Variants in JMJD7 observed in about 807,000 individuals in gnomAD.
JMJD7 encodes the protein jumonji domain containing 7, also known as bifunctional peptidase and (3S)-lysyl hydroxylase JMJD7.
A neutral mutation model predicts 41.1 loss-of-function variants in JMJD7; 41 were observed. That is an observed-to-expected ratio of 1.00 (90% CI 0.78 to 1.30). JMJD7 has a LOEUF of 1.30. Among genes scored for constraint, JMJD7 ranks in the 50% most tolerant of loss-of-function variants. JMJD7 has a pLI of 0.00. For synonymous variants in JMJD7, 202 were observed against 177.2 expected (o/e 1.14, Z -1.11); for missense variants, 480 against 420.7 (o/e 1.14, Z -1.23).
rs747919955 is a variant in JMJD7 at position 41,836,292 on chromosome 15, G to C, written c.625+49G>C. 5.0e-6 allele frequency: 8 copies of C among 1,608,522 alleles called. No individual in the cohort carries two copies. In the African/African-American group the frequency reaches 5.3e-5, roughly 11 times the overall value. On this transcript the variant is annotated intron_variant, in intron 5 of 7. Coordinates refer to ENST00000397299, the MANE Select transcript of JMJD7 (RefSeq NM_001114632.2). ...GGGGCTGGGGAACAGCTGGCCCAAG[G>C]GGGAGGGAGGCAGCAAGAGCCTGGG...
In JMJD7 at chr15:41,836,457, T is replaced by C; in HGVS notation, c.626-18T>C. 1 of 1,569,822 alleles carries C rather than the reference T, an allele frequency of 6.4e-7. No individual in the cohort carries two copies. The highest frequency in any genetic ancestry group is 1.3e-5 in the African/African-American group (1 of 74,212). On this transcript the variant is annotated intron_variant, in intron 5 of 7. Transcript: ENST00000397299. ...GGCTGTTTGCAATTCCCCCACACCC[T>C]TCTCCCTTGGGCTCCAGAGCTGTAC...
chr15:41,836,177 T>C lies in JMJD7; in HGVS notation c.559T>C (p.Cys187Arg). The stretch of plus-strand genomic sequence containing the variant: ...CAAGGACCACTATGAGAACCTCTAC[T>C]GCGTGGTCTCAGGAGAGAAGCATTT... ...LHKDHYENLY[C>R]VVSGEKHFLF... The change falls in exon 5 of 8, where the codon TGC (cysteine) becomes CGC (arginine). Residue 187 changes from cysteine to arginine, a missense_variant. Cys to Arg is a radical substitution (Grantham distance 180). Transcript: ENST00000397299. 6.2e-7 allele frequency: 1 copy of C among 1,611,676 alleles called. No individual in the cohort carries two copies. The highest frequency in any genetic ancestry group is 8.5e-7 in the Non-Finnish European group (1 of 1,178,724).
At chr15:41,835,790 A>G (rs2065304202) in intron 4 of JMJD7, 146 bp downstream of exon 4, 1 of 1,031,544 alleles carries the variant, frequency 9.7e-7, no homozygotes, top group East Asian at 2.7e-5. Context: ...CGGGCACCAC[A>G]GAGGGTTTCC....
chr15:41,830,942 G>T (rs1012320553), intron 1 of JMJD7, among the ~76,000 whole-genome samples: 1 of 152,238 alleles, frequency 6.6e-6, no homozygotes, highest in Non-Finnish European at 1.5e-5. Flanking sequence ...CTTGGGTGCC[G>T]TGAATGGTGG....
At position 41,828,123 on chromosome 15, in the gene JMJD7, C is replaced by T. The variant is rs748750736; in HGVS notation, c.-2C>T. ...GGGGTCTCGGCCGGCGCTGACGCAGCCATGGCGGAGGCGGCTTTGGAAGCC... is the reference window on the plus strand; with the variant it reads ...GGGGTCTCGGCCGGCGCTGACGCAGTCATGGCGGAGGCGGCTTTGGAAGCC... On this transcript the variant is annotated 5_prime_UTR_variant, in exon 1 of 8. Coordinates refer to ENST00000397299, the MANE Select transcript of JMJD7 (RefSeq NM_001114632.2). The T allele has an allele frequency of 2.1e-6, 3 of 1,457,650 alleles. No homozygotes were observed. Among genetic ancestry groups the T allele is most frequent in the South Asian group, 1.4e-5 (1 of 69,048 alleles). 90.3% of individuals were successfully genotyped at this position (1,457,650 alleles called of 1,614,324 possible). A position where few individuals can be genotyped will look rare whatever the true frequency, so the allele number is the denominator to read the frequency against.
intron 4 of JMJD7, 146 bp from the exon 5 acceptor site, chr15:41,836,002 C>G: frequency 2.5e-6 from 2 of 812,846 alleles, no homozygotes; most frequent in Non-Finnish European, 3.7e-6. Context: ...CATCAGAGCC[C>G]CTGGCATCTC....
In JMJD7 at chr15:41,836,054, C is replaced by T. The variant is rs186094100; in HGVS notation, c.530-94C>T. Reference sequence around the variant, plus strand: ...TGCGTGCTTCTCTTTTGTCATAGGACGTCTTGGGGTGCAGGGCTCTCAGCA... The same window carrying T: ...TGCGTGCTTCTCTTTTGTCATAGGATGTCTTGGGGTGCAGGGCTCTCAGCA... On this transcript the variant is annotated intron_variant, in intron 4 of 7. Coordinates refer to ENST00000397299, the MANE Select transcript of JMJD7 (RefSeq NM_001114632.2). 792 of 1,318,494 alleles carry T rather than the reference C, an allele frequency of 6.0e-4. 2 individuals carry two copies. In the African/African-American group the frequency reaches 0.01, roughly 17 times the overall value. The allele number at this position is 1,318,494 out of a possible 1,614,324, so 81.7% of individuals were successfully genotyped here. A position where few individuals can be genotyped will look rare whatever the true frequency, so the allele number is the denominator to read the frequency against.
At position 41,828,682 on chromosome 15, in the gene JMJD7, A is replaced by G. The variant is rs554223250; in HGVS notation, c.64+494A>G. On this transcript the variant is annotated intron_variant, in intron 1 of 7. Coordinates refer to ENST00000397299, the MANE Select transcript of JMJD7 (RefSeq NM_001114632.2). Reference sequence around the variant, plus strand: ...ATTTTTAAATGATTTCTTACCACTGAACAGCAACACAGGCTCATGTGTATG... The same window carrying G: ...ATTTTTAAATGATTTCTTACCACTGGACAGCAACACAGGCTCATGTGTATG... 3.5e-3 allele frequency among the ~76,000 whole-genome samples: 526 copies of G among 152,068 alleles called. 2 individuals carry two copies. The highest frequency in any genetic ancestry group is 0.012 in the African/African-American group (510 of 41,450).
intron 6 of JMJD7, 93 bp downstream of exon 6, chr15:41,836,644 G>T: frequency 6.8e-7 from 1 of 1,469,134 alleles, no homozygotes. Flanking sequence ...GTGGCACCTT[G>T]CTCTGAAAAG....
At position 41,836,844 on chromosome 15, in the gene JMJD7, G is replaced by A. The variant is rs1408556359; in HGVS notation, c.766G>A (p.Ala256Thr). 1 of 1,613,030 alleles carries A rather than the reference G, an allele frequency of 6.2e-7. No individual in the cohort carries two copies. The highest frequency in any genetic ancestry group is 8.5e-7 in the Non-Finnish European group (1 of 1,179,732). Reference sequence around the variant, plus strand: ...AGCACGGTACCCTAGTTACAGTCAGGCCCAGGCCCTTCGCTGCACGGTGCG... The same window carrying A: ...AGCACGGTACCCTAGTTACAGTCAGACCCAGGCCCTTCGCTGCACGGTGCG... ...DLARYPSYSQ[A>T]QALRCTVRAG... The change falls in exon 7 of 8, where the codon GCC becomes ACC. Residue 256 changes from alanine to threonine, a missense_variant. Transcript: ENST00000397299.
Position 41,835,619 on chromosome 15 carries a change from G to C in JMJD7, c.504G>C (p.Leu168=), listed in dbSNP as rs753233641. ...GKMPDAVNFW[L]GEAAAVTSLH... ...TGCCCGATGCTGTGAACTTCTGGCT[G>C]GGGGAGGCGGCTGCAGTGACTTCTT... The change falls in exon 4 of 8, where the codon CTG becomes CTC. Residue 168 remains leucine, a synonymous_variant. Transcript: ENST00000397299. The C allele has an allele frequency of 2.5e-6, 4 of 1,613,664 alleles. No individual in the cohort carries two copies. The Admixed American group carries it at 5.0e-5, about 20-fold the overall frequency.
chr15:41,836,676 A>G, intron 6 of JMJD7, 105 bp from the exon 7 acceptor site: 1 of 1,470,894 alleles, frequency 6.8e-7, no homozygotes, highest in Non-Finnish European at 9.0e-7. Context: ...GAGGCCTTTC[A>G]CTGCTGAGCC....
At chr15:41,833,822 G>GTATAGT (rs1236824923) in intron 1 of JMJD7, among the ~76,000 whole-genome samples, 4 of 152,134 alleles carry the variant, frequency 2.6e-5, no homozygotes, top group Non-Finnish European at 5.9e-5. Context: ...AATTTAGAAA[G>GTATAGT]TATAGTCAGA....
chr15:41,833,410 ATATATT>A (rs1188660652), intron 1 of JMJD7, among the ~76,000 whole-genome samples: 5 of 39,730 alleles, frequency 1.3e-4, no homozygotes, highest in Admixed American at 3.2e-4. Context: ...ATATATATAT[ATATATT>A]TTTTTTTTTT....
At chr15:41,836,075 C>T in intron 4 of JMJD7, 73 bp from the exon 5 acceptor site, 1 of 1,467,728 alleles carries the variant, frequency 6.8e-7, no homozygotes, top group South Asian at 1.3e-5. Context: ...GCAGGGCTCT[C>T]AGCATGATGG....
chr15:41,831,893 T>A (rs969569596), intron 1 of JMJD7, among the ~76,000 whole-genome samples: 1 of 152,128 alleles, frequency 6.6e-6, no homozygotes, highest in South Asian at 2.1e-4. Context: ...GACTGAACCA[T>A]GCGTCTTGCT....
chr15:41,831,879 A>G (rs1484732377), intron 1 of JMJD7, among the ~76,000 whole-genome samples: 1 of 152,208 alleles, frequency 6.6e-6, no homozygotes, highest in African/African-American at 2.4e-5. Flanking sequence ...TGTAACATGA[A>G]GAGGACTGAA....
In JMJD7 at chr15:41,835,110, C is replaced by T; in HGVS notation, c.359C>T (p.Ala120Val). 1 of 1,612,606 alleles carries T rather than the reference C, an allele frequency of 6.2e-7. No homozygotes were observed. Among genetic ancestry groups the T allele is most frequent in the Non-Finnish European group, 8.5e-7 (1 of 1,180,022 alleles). The stretch of plus-strand genomic sequence containing the variant: ...GTGCTGGATGTGCTGGAGGGCCGGG[C>T]CCAGCACCCTGGAGTCCTCTATGTG... Reference protein sequence around the residue: ...SFVLDVLEGRAQHPGVLYVQK... With the variant: ...SFVLDVLEGRVQHPGVLYVQK... Residue 120 changes from alanine to valine, a missense_variant, in exon 3 of 8, where the codon GCC (alanine) becomes GTC (valine). Transcript: ENST00000397299.
intron 1 of JMJD7, among the ~76,000 whole-genome samples, chr15:41,830,412 G>A (rs1300677849): frequency 2.0e-5 from 3 of 152,264 alleles, no homozygotes; most frequent in Non-Finnish European, 4.4e-5. Flanking sequence ...CCGCTGTGGG[G>A]AAAACGTGAA....
Sources: allele counts gnomAD v4.1 joint callset (sites outside exome capture counted in the v4.1 genomes callset), GRCh38; gene constraint gnomAD v4.1.1; transcripts MANE v1.5; gene names NCBI Gene and HGNC (gene_info 2026-07-23, HGNC 2026-07-21).